AP1S3: variants seen among roughly 807,000 people sequenced by gnomAD.
The protein encoded by AP1S3 is adaptor related protein complex 1 subunit sigma 3.
In AP1S3, 10 loss-of-function variants were observed where a neutral mutation model predicts 20.9. That is an observed-to-expected ratio of 0.48 (90% CI 0.29 to 0.81). AP1S3 has a LOEUF of 0.81. Ranked by LOEUF, AP1S3 falls within the 30% of genes least tolerant of loss-of-function variation. The pLI is 0.08. For synonymous variants in AP1S3, 41 were observed against 61.5 expected (o/e 0.67, Z 1.56); for missense variants, 154 against 183.8 (o/e 0.84, Z 0.94).
chr2:223,809,444 C>T (rs567909787), intron 1 of AP1S3, among the ~76,000 whole-genome samples: 28 of 151,948 alleles, frequency 1.8e-4, no homozygotes, highest in African/African-American at 6.0e-4. Context: ...CAGGAGTTCG[C>T]GACCAGCCTG....
intron 3 of AP1S3, among the ~76,000 whole-genome samples, chr2:223,772,561 C>T (rs1690658389): frequency 6.6e-6 from 1 of 152,198 alleles, no homozygotes; most frequent in South Asian, 2.1e-4. Context: ...GGCATTTCCT[C>T]TGAGCCTCTA....
At chr2:223,795,129 A>G (rs925233336) in intron 1 of AP1S3, among the ~76,000 whole-genome samples, 1 of 152,178 alleles carries the variant, frequency 6.6e-6, no homozygotes. Context: ...CATGCCTGTA[A>G]TCCCAGCTAC....
chr2:223,787,987 C>G (rs1691115310), intron 1 of AP1S3, among the ~76,000 whole-genome samples: 1 of 151,984 alleles, frequency 6.6e-6, no homozygotes, highest in African/African-American at 2.4e-5. Context: ...GATGGGGTCT[C>G]ACTCTGTCAT....
intron 1 of AP1S3, among the ~76,000 whole-genome samples, chr2:223,811,494 G>A (rs1442685018): frequency 2.6e-5 from 4 of 151,576 alleles, no homozygotes; most frequent in Middle Eastern, 3.2e-3. Context: ...GCTTGAACCC[G>A]GTGGGTGGAG....
rs564559754 is a variant in AP1S3 at position 223,786,627 on chromosome 2, A to G, written c.4-8758T>C. Among the ~76,000 whole-genome samples the G allele has an allele frequency of 2.6e-3, 390 of 152,018 alleles. 3 individuals are homozygous for G. The highest frequency in any genetic ancestry group is 7.8e-3 in the African/African-American group (324 of 41,440). On this transcript the variant is annotated intron_variant, in intron 1 of 4. Transcript: ENST00000396654. ...GTTATTAAATTAAAAAAAAAAGAAG[A>G]AGGAGAAGGTCAGGTGTGGTGGCTC...
chr2:223,758,083 A>G lies in AP1S3; in HGVS notation c.*632T>C. ...AACCTCAGTCAAGATAGCAGCTTCT[A>G]AGGCATCAAAAACACTTATTAAGTT... On this transcript the variant is annotated 3_prime_UTR_variant, in exon 5 of 5. Transcript: ENST00000396654. 1 of 984,354 alleles carries G rather than the reference A, an allele frequency of 1.0e-6. No homozygotes were observed. The highest frequency in any genetic ancestry group is 1.2e-6 in the Non-Finnish European group (1 of 828,674). The allele number at this position is 984,354 out of a possible 1,614,324, so 61.0% of individuals were successfully genotyped here.
At chr2:223,794,235 A>G (rs1691282149) in intron 1 of AP1S3, among the ~76,000 whole-genome samples, 1 of 152,042 alleles carries the variant, frequency 6.6e-6, no homozygotes, top group African/African-American at 2.4e-5. Flanking sequence ...TGGGTGGAGA[A>G]TTGCTTTGGC....
In AP1S3 at chr2:223,836,723, G is replaced by A. The variant is rs115110050; in HGVS notation, c.3+725C>T. Among the ~76,000 whole-genome samples, 984 of 152,270 alleles carry A rather than the reference G, an allele frequency of 6.5e-3. 9 individuals carry two copies. Among genetic ancestry groups the A allele is most frequent in the African/African-American group, 0.022 (918 of 41,562 alleles). ...CAGCCTGGGCGACAGAGCGAGATCA[G>A]TCTCAAAAAAACAAAAGTGCACAAC... On this transcript the variant is annotated intron_variant, in intron 1 of 4. Coordinates refer to ENST00000396654, the MANE Select transcript of AP1S3 (RefSeq NM_001039569.2).
At chr2:223,770,011 T>C (rs1690575705) in intron 3 of AP1S3, among the ~76,000 whole-genome samples, 1 of 152,186 alleles carries the variant, frequency 6.6e-6, no homozygotes, top group Non-Finnish European at 1.5e-5. Flanking sequence ...CCCAAAGTGC[T>C]GGGATTACAG....
At chr2:223,791,777 A>G (rs1479670762) in intron 1 of AP1S3, among the ~76,000 whole-genome samples, 1 of 152,238 alleles carries the variant, frequency 6.6e-6, no homozygotes, top group East Asian at 1.9e-4. Flanking sequence ...CTATATCTAG[A>G]AAATCTTATC....
At chr2:223,832,710 C>T (rs1259965288) in intron 1 of AP1S3, among the ~76,000 whole-genome samples, 3 of 152,006 alleles carry the variant, frequency 2.0e-5, no homozygotes, top group African/African-American at 7.2e-5. Context: ...GGGAAGGGGG[C>T]GTGGCAGGAC....
At chr2:223,830,117 A>G (rs986116279) in intron 1 of AP1S3, among the ~76,000 whole-genome samples, 1 of 152,128 alleles carries the variant, frequency 6.6e-6, no homozygotes, top group Non-Finnish European at 1.5e-5. Flanking sequence ...CATAAACAAT[A>G]TATGTCTTAG....
chr2:223,819,884 T>C (rs538559685), intron 1 of AP1S3, among the ~76,000 whole-genome samples: 170 of 152,096 alleles, frequency 1.1e-3, no homozygotes, highest in Non-Finnish European at 2.0e-3. Context: ...ATTCACTGGT[T>C]ATAAAAAATG....
intron 3 of AP1S3, among the ~76,000 whole-genome samples, chr2:223,770,965 C>T (rs554566306): frequency 6.6e-6 from 1 of 152,042 alleles, no homozygotes; most frequent in African/African-American, 2.4e-5. Flanking sequence ...AACTCCTGAC[C>T]TTAAGTGATC....
intron 3 of AP1S3, among the ~76,000 whole-genome samples, chr2:223,773,872 G>T (rs913208519): frequency 6.6e-6 from 1 of 152,212 alleles, no homozygotes; most frequent in Non-Finnish European, 1.5e-5. Flanking sequence ...TTGAAACTGT[G>T]AAATGGATTA....
intron 3 of AP1S3, among the ~76,000 whole-genome samples, chr2:223,769,750 T>A (rs2106082887): frequency 7.2e-6 from 1 of 139,128 alleles, no homozygotes; most frequent in Non-Finnish European, 1.6e-5. Flanking sequence ...TTTTTTTTTT[T>A]TTTTTTTTTT....
rs184722305 is a variant in AP1S3, at chr2:223,785,098, T to G, written c.4-7229A>C. Among the ~76,000 whole-genome samples the G allele has an allele frequency of 3.8e-3, 580 of 152,308 alleles. 5 individuals carry two copies. Among genetic ancestry groups the G allele is most frequent in the African/African-American group, 0.013 (533 of 41,562 alleles). On this transcript the variant is annotated intron_variant, in intron 1 of 4. Coordinates refer to ENST00000396654, the MANE Select transcript of AP1S3 (RefSeq NM_001039569.2). ...GCTTAGACCTGTAATGCCAGCACTT[T>G]GGGAGGCCGAGGCGGGCAGATCACC...
chr2:223,831,887 T>C (rs1163852576), intron 1 of AP1S3, among the ~76,000 whole-genome samples: 2 of 152,000 alleles, frequency 1.3e-5, no homozygotes, highest in African/African-American at 4.8e-5. Flanking sequence ...CCATCCTGGC[T>C]AACACGGTGA....
Position 223,837,476 on chromosome 2 carries a change from C to T in AP1S3, c.-26G>A. 7.8e-7 allele frequency: 1 copy of T among 1,286,004 alleles called. No homozygotes were observed. The highest frequency in any genetic ancestry group is 9.9e-7 in the Non-Finnish European group (1 of 1,014,648). The allele number at this position is 1,286,004 out of a possible 1,614,324, so 79.7% of individuals were successfully genotyped here. A position where few individuals can be genotyped will look rare whatever the true frequency, so the allele number is the denominator to read the frequency against. ...CGTGGCTGGGCCGCCGCCTCCCCCG[C>T]CTTGCGAGCAAGGAGCGCTGGAGAA... On this transcript the variant is annotated 5_prime_UTR_variant, in exon 1 of 5. Transcript: ENST00000396654.
Sources: allele counts gnomAD v4.1 joint callset (sites outside exome capture counted in the v4.1 genomes callset), GRCh38; gene constraint gnomAD v4.1.1; transcripts MANE v1.5; gene names NCBI Gene and HGNC (gene_info 2026-07-23, HGNC 2026-07-21).